The following PRR16 variants were observed in gnomAD, a reference collection of about 807,000 sequenced individuals.
The protein encoded by PRR16 is proline rich 16.
Under a neutral mutation model 18.2 loss-of-function variants are expected in PRR16, and 6 were observed. The ratio of observed to expected loss-of-function variants is 0.33; its 90% confidence interval spans 0.18 to 0.65. The LOEUF (loss-of-function observed/expected upper bound fraction) is 0.65, where lower values mean the gene tolerates loss of function less well. Ranked by LOEUF, PRR16 falls within the 30% of genes least tolerant of loss-of-function variation. PRR16 has a pLI of 0.74. For synonymous variants in PRR16, 151 were observed against 147.8 expected, an observed-to-expected ratio of 1.02 and a Z score of -0.16; for missense variants, 412 against 376.6, an observed-to-expected ratio of 1.09 and a Z score of -0.78.
the PRR16 span, among the ~76,000 whole-genome samples, chr5:120,724,906 G>T: frequency 6.6e-6 from 1 of 151,736 alleles, no homozygotes; most frequent in Non-Finnish European, 1.5e-5. Context: ...TCTGGTGGAG[G>T]ACATATGAAA....
intron 1 of PRR16, among the ~76,000 whole-genome samples, chr5:120,562,215 C>T (rs2112719171): frequency 6.6e-6 from 1 of 152,154 alleles, no homozygotes; most frequent in South Asian, 2.1e-4. Flanking sequence ...GGATCAATCC[C>T]TTTATCATTA....
In PRR16 at chr5:120,536,854, A is replaced by G. The variant is rs543533156; in HGVS notation, c.159+72209A>G. Among the ~76,000 whole-genome samples the G allele has an allele frequency of 3.3e-5, 5 of 152,380 alleles. No homozygotes were observed. In the South Asian group the frequency reaches 8.3e-4, roughly 25 times the overall value. The stretch of plus-strand genomic sequence containing the variant: ...TTAAAAATACACATCATGGAATACT[A>G]TGCAACCATAAAAAAGAACAAGATC... On this transcript the variant is annotated intron_variant, in intron 1 of 1. Coordinates refer to ENST00000407149, the MANE Select transcript of PRR16 (RefSeq NM_001300783.2).
At chr5:120,745,148 A>G in the PRR16 span, among the ~76,000 whole-genome samples, 15,788 of 152,206 alleles carry the variant, frequency 0.1, 1,040 homozygotes, top group African/African-American at 0.18. Flanking sequence ...ATTTTAGGGC[A>G]CTGTGCTGAG....
chr5:120,588,612 T>C (rs1753529878), intron 1 of PRR16, among the ~76,000 whole-genome samples: 1 of 152,186 alleles, frequency 6.6e-6, no homozygotes, highest in Admixed American at 6.5e-5. Flanking sequence ...ATTACATACA[T>C]ATAGACTACA....
rs545598367 is a variant in PRR16 at position 120,637,712 on chromosome 5, A to G, written c.160-48242A>G. ...GGGTACAGGGCACACTGCTCGGGTGATGGGTATGCCAAAATCTCAGAAATC... is the reference window on the plus strand; with the variant it reads ...GGGTACAGGGCACACTGCTCGGGTGGTGGGTATGCCAAAATCTCAGAAATC... On this transcript the variant is annotated intron_variant, in intron 1 of 1. Transcript: ENST00000407149. 1.2e-4 allele frequency among the ~76,000 whole-genome samples: 19 copies of G among 152,232 alleles called. No homozygotes were observed. In the East Asian group the frequency reaches 3.1e-3, roughly 25 times the overall value.
chr5:120,746,058 G>C, the PRR16 span, among the ~76,000 whole-genome samples: 1 of 151,886 alleles, frequency 6.6e-6, no homozygotes, highest in South Asian at 2.1e-4. Flanking sequence ...GTGAAATTTT[G>C]AGATTTGGCA....
chr5:120,621,770 C>T (rs1419823423), intron 1 of PRR16, among the ~76,000 whole-genome samples: 1 of 152,120 alleles, frequency 6.6e-6, no homozygotes, highest in Non-Finnish European at 1.5e-5. Flanking sequence ...TTGCTTCCCC[C>T]TGGCCTTCAC....
intron 1 of PRR16, among the ~76,000 whole-genome samples, chr5:120,577,175 A>C (rs1277656528): frequency 6.6e-6 from 1 of 151,922 alleles, no homozygotes; most frequent in Non-Finnish European, 1.5e-5. Flanking sequence ...AGCCAAACAA[A>C]ATCAATATGT....
chr5:120,532,846 C>A (rs958903723), intron 1 of PRR16, among the ~76,000 whole-genome samples: 1 of 152,022 alleles, frequency 6.6e-6, no homozygotes, highest in Non-Finnish European at 1.5e-5. Flanking sequence ...CATTTACCCC[C>A]AAAAAGTAAT....
chr5:120,695,716 T>C, the PRR16 span, among the ~76,000 whole-genome samples: 1 of 152,164 alleles, frequency 6.6e-6, no homozygotes, highest in African/African-American at 2.4e-5. Flanking sequence ...TCTATCTTAA[T>C]AATCTCCCAA....
intron 1 of PRR16, among the ~76,000 whole-genome samples, chr5:120,586,429 T>C (rs1485782071): frequency 6.6e-6 from 1 of 152,204 alleles, no homozygotes; most frequent in Non-Finnish European, 1.5e-5. Flanking sequence ...AGTTATTGTG[T>C]TTTTCACCAA....
the PRR16 span, among the ~76,000 whole-genome samples, chr5:120,785,549 A>ATG: frequency 5.2e-5 from 7 of 135,156 alleles, no homozygotes; most frequent in Middle Eastern, 8.1e-3. Flanking sequence ...GTCTCTGTGT[A>ATG]TGTGTGTGTG....
chr5:120,586,549 A>G (rs1434518515), intron 1 of PRR16, among the ~76,000 whole-genome samples: 2 of 152,088 alleles, frequency 1.3e-5, no homozygotes, highest in East Asian at 3.9e-4. Flanking sequence ...TCCCTACAAT[A>G]ATAATAATCA....
the PRR16 span, among the ~76,000 whole-genome samples, chr5:120,754,934 T>C: frequency 1.3e-5 from 2 of 150,954 alleles, no homozygotes; most frequent in Non-Finnish European, 3.0e-5. Flanking sequence ...GGGAATAGAA[T>C]ATCATAGAGT....
At chr5:120,678,305 T>C (rs963690103) in intron 1 of PRR16, among the ~76,000 whole-genome samples, 23 of 152,204 alleles carry the variant, frequency 1.5e-4, no homozygotes, top group Admixed American at 1.3e-4. Context: ...CATTTTTATG[T>C]GTCTTTCTGG....
chr5:120,623,012 A>T (rs1410705060), intron 1 of PRR16, among the ~76,000 whole-genome samples: 3 of 151,872 alleles, frequency 2.0e-5, no homozygotes, highest in South Asian at 2.1e-4. Flanking sequence ...TAATTTATGA[A>T]TTTTTTTTCA....
chr5:120,716,374 T>C, the PRR16 span, among the ~76,000 whole-genome samples: 1 of 152,192 alleles, frequency 6.6e-6, no homozygotes, highest in South Asian at 2.1e-4. Flanking sequence ...CATACATATA[T>C]TTCCACTATC....
At chr5:120,761,633 A>C in the PRR16 span, among the ~76,000 whole-genome samples, 4 of 152,258 alleles carry the variant, frequency 2.6e-5, no homozygotes, top group African/African-American at 9.6e-5. Context: ...AATGTGGTAC[A>C]TGTAATATTT....
the PRR16 span, among the ~76,000 whole-genome samples, chr5:120,722,569 G>A: frequency 2.0e-5 from 3 of 151,852 alleles, no homozygotes; most frequent in African/African-American, 4.8e-5. Flanking sequence ...CAAGCCAATG[G>A]AAAATCCCAA....
Sources: gnomAD v4.1 joint callset for allele counts (sites outside exome capture counted in the v4.1 genomes callset) on GRCh38, gnomAD v4.1.1 for gene constraint, MANE v1.5 for transcripts, NCBI Gene and HGNC (gene_info 2026-07-23, HGNC 2026-07-21) for gene names.